PIP5K1C: variants seen among roughly 807,000 people sequenced by gnomAD.
PIP5K1C encodes phosphatidylinositol-4-phosphate 5-kinase type 1 gamma.
In PIP5K1C, 45 loss-of-function variants were observed where a neutral mutation model predicts 80.1. That is an observed-to-expected ratio of 0.56 (90% CI 0.44 to 0.72). The LOEUF is 0.72. PIP5K1C is among the 30% of genes least tolerant of loss of function. The pLI is 0.00. For missense variants in PIP5K1C, 753 were observed against 954.6 expected (o/e 0.79, Z 2.78); for synonymous variants, 498 against 420.1 (o/e 1.19, Z -2.27).
intron 16 of PIP5K1C, chr19:3,636,263 G>A: frequency 6.7e-6 from 3 of 448,914 alleles, no homozygotes; most frequent in Non-Finnish European, 8.8e-6. Flanking sequence ...GACAGGGGAA[G>A]TGGGGGGCAG....
chr19:3,699,099 C>G (rs1408647441), intron 1 of PIP5K1C, among the ~76,000 whole-genome samples: 1 of 151,996 alleles, frequency 6.6e-6, no homozygotes, highest in Non-Finnish European at 1.5e-5. Flanking sequence ...TGTCTCTGAC[C>G]AGCTGGGGTC....
intron 1 of PIP5K1C, among the ~76,000 whole-genome samples, chr19:3,669,439 C>T (rs1192961019): frequency 2.0e-5 from 3 of 152,154 alleles, no homozygotes; most frequent in South Asian, 2.1e-4. Flanking sequence ...GTGCGGAGTC[C>T]GCGGTGCAGA....
At chr19:3,663,546 C>G (rs922343010) in intron 3 of PIP5K1C, among the ~76,000 whole-genome samples, 12 of 152,224 alleles carry the variant, frequency 7.9e-5, no homozygotes, top group African/African-American at 2.7e-4. Flanking sequence ...CACAGGGGGG[C>G]CACGCACCTG....
chr19:3,647,293 G>A, intron 10 of PIP5K1C, 45 bp downstream of exon 10: 1 of 1,499,558 alleles, frequency 6.7e-7, no homozygotes, highest in Non-Finnish European at 9.1e-7. Context: ...CTCACAGGAG[G>A]AGGAGGGATG....
intron 14 of PIP5K1C, 100 bp from the exon 15 acceptor site, chr19:3,641,909 G>C: frequency 1.1e-6 from 1 of 911,278 alleles, no homozygotes; most frequent in Non-Finnish European, 1.7e-6. Flanking sequence ...CCAGAGGGGA[G>C]TTGGGAGCCT....
intron 14 of PIP5K1C, 48 bp from the exon 15 acceptor site, chr19:3,641,857 C>A: frequency 6.8e-7 from 1 of 1,481,032 alleles, no homozygotes. Flanking sequence ...TCACTTCCCC[C>A]ATCCTACCCC....
intron 1 of PIP5K1C, among the ~76,000 whole-genome samples, chr19:3,698,314 G>A (rs554367773): frequency 1.3e-5 from 2 of 152,346 alleles, no homozygotes; most frequent in African/African-American, 2.4e-5. Context: ...CAGACGGGAC[G>A]CTGAAGCCCG....
chr19:3,665,717 G>C (rs183493333), intron 2 of PIP5K1C, among the ~76,000 whole-genome samples: 104 of 152,276 alleles, frequency 6.8e-4, no homozygotes, highest in African/African-American at 2.4e-3. Flanking sequence ...GGCAGCGCGG[G>C]TGTCCCAGCA....
intron 1 of PIP5K1C, among the ~76,000 whole-genome samples, chr19:3,681,718 A>G (rs911013410): frequency 2.0e-5 from 3 of 152,104 alleles, no homozygotes; most frequent in Non-Finnish European, 2.9e-5. Context: ...CAAAGGCAGC[A>G]ACATTCGCTC....
At chr19:3,667,849 G>A (rs1018400622) in intron 1 of PIP5K1C, among the ~76,000 whole-genome samples, 1 of 152,230 alleles carries the variant, frequency 6.6e-6, no homozygotes, top group Non-Finnish European at 1.5e-5. Flanking sequence ...GGGAAATCAG[G>A]TGCCAGCGTG....
intron 1 of PIP5K1C, among the ~76,000 whole-genome samples, chr19:3,675,066 G>C (rs1365930226): frequency 1.3e-5 from 2 of 152,150 alleles, no homozygotes; most frequent in African/African-American, 4.8e-5. Context: ...AGACAGGGAG[G>C]GGATGCATGG....
chr19:3,662,597 G>A (rs369370405), intron 3 of PIP5K1C, among the ~76,000 whole-genome samples: 5 of 152,218 alleles, frequency 3.3e-5, no homozygotes, highest in African/African-American at 1.2e-4. Flanking sequence ...ACAGAGTCTT[G>A]CTCTGTCGCC....
chr19:3,661,927 G>C lies in PIP5K1C; in HGVS notation c.294C>G (p.Pro98=), dbSNP rs374991223. ...GYTVGHLSSK[P]ERDVLMQDFY... ...AGTCCTGCATGAGCACGTCGCGTTC[G>C]GGCTTGGAGCTCAGGTGGCCCACGG... The change falls in exon 4 of 18, where the codon CCC becomes CCG. Residue 98 remains proline (P), a synonymous_variant. Coordinates refer to ENST00000335312, the MANE Select transcript of PIP5K1C (RefSeq NM_012398.3). 1 of 1,612,500 alleles carries C rather than the reference G, an allele frequency of 6.2e-7. No homozygotes were observed. The highest frequency in any genetic ancestry group is 1.3e-5 in the African/African-American group (1 of 74,950).
rs907492638 is a variant in PIP5K1C, at chr19:3,681,588, T to TC, written c.95-14236dup. Among the ~76,000 whole-genome samples the TC allele has an allele frequency of 7.2e-5, 11 of 151,894 alleles. No individual in the cohort carries two copies. The South Asian group carries it at 1.0e-3, about 14-fold the overall frequency. ...ATAAAAGCTGCAGCTCGTACACACATCCCCCCGCGGGCTGGTGCTCTGCAA... is the reference window on the plus strand; with the variant it reads ...ATAAAAGCTGCAGCTCGTACACACATCCCCCCCGCGGGCTGGTGCTCTGCAA... On this transcript the variant is annotated intron_variant, in intron 1 of 17. Transcript: ENST00000335312.
At chr19:3,643,131 A>C in intron 13 of PIP5K1C, 112 bp downstream of exon 13, 2 of 1,552,224 alleles carry the variant, frequency 1.3e-6, no homozygotes, top group Admixed American at 1.7e-5. Context: ...TCCACCGTAC[A>C]TACGATGCTC....
rs1397200398 is a variant in PIP5K1C at position 3,692,981 on chromosome 19, C to T, written c.94+7316G>A. Among the ~76,000 whole-genome samples the T allele has an allele frequency of 6.6e-6, 1 of 152,040 alleles. No homozygotes were observed. Among genetic ancestry groups the T allele is most frequent in the Non-Finnish European group, 1.5e-5 (1 of 67,998 alleles). On this transcript the variant is annotated intron_variant, in intron 1 of 17. Coordinates refer to ENST00000335312, the MANE Select transcript of PIP5K1C (RefSeq NM_012398.3). The surrounding 1 kb of genome is among the most constrained non-coding windows in gnomAD (Gnocchi z 5.2). ...TCAAGTGTGGCCCCCGAGTCCCCAG[C>T]CTTGAGGGCACCTCCGCCGCCACTC...
rs1168962892 is a variant in PIP5K1C, at chr19:3,637,986, A to G, written c.1920+898T>C. ...CCCTTCTCCAGGGCCAGGTGGGTGCATGGGGACCCCAGAGGCGCCACTGGA... is the reference window on the plus strand; with the variant it reads ...CCCTTCTCCAGGGCCAGGTGGGTGCGTGGGGACCCCAGAGGCGCCACTGGA... On this transcript the variant is annotated intron_variant, in intron 16 of 17. Coordinates refer to ENST00000335312, the MANE Select transcript of PIP5K1C (RefSeq NM_012398.3). This position sits in a 1 kb window ranked among gnomAD's most constrained non-coding sequence, Gnocchi z 7.0. 2.6e-6 allele frequency: 4 copies of G among 1,527,734 alleles called. No homozygotes were observed. The Admixed American group carries it at 7.9e-5, about 30-fold the overall frequency. 94.6% of individuals were successfully genotyped at this position (1,527,734 alleles called of 1,614,324 possible).
rs768624331 is a variant in PIP5K1C, at chr19:3,653,572, C to T, written c.639G>A (p.Pro213=). ...PGYYMNLNQN[P]RTLLPKFYGL... is the part of the protein sequence containing the mutation. ...CATAGAACTTGGGCAGCAGCGTCCG[C>T]GGGTTCTGGTTGAGGTTCTGCCGGG... Residue 213 remains proline, a synonymous_variant, in exon 7 of 18, where the codon CCG becomes CCA. Coordinates refer to ENST00000335312, the MANE Select transcript of PIP5K1C (RefSeq NM_012398.3). 2.7e-5 allele frequency: 44 copies of T among 1,608,196 alleles called. No individual in the cohort carries two copies. Among genetic ancestry groups the T allele is most frequent in the Non-Finnish European group, 3.2e-5 (38 of 1,175,510 alleles).
At chr19:3,650,677 C>G (rs1354356532) in intron 8 of PIP5K1C, among the ~76,000 whole-genome samples, 5 of 152,250 alleles carry the variant, frequency 3.3e-5, no homozygotes, top group Non-Finnish European at 5.9e-5. Flanking sequence ...CCCTCTGCCC[C>G]TGGTGTCCAG....
Sources: gnomAD v4.1 joint callset for allele counts (sites outside exome capture counted in the v4.1 genomes callset) on GRCh38, gnomAD v4.1.1 for gene constraint, Gnocchi (gnomAD v3.1) non-coding constraint, MANE v1.5 for transcripts, NCBI Gene and HGNC (gene_info 2026-07-23, HGNC 2026-07-21) for gene names.